Variants in PROCR observed in about 807,000 individuals in gnomAD.
The protein encoded by PROCR is protein C receptor, also known as endothelial protein C receptor.
Under a neutral mutation model 24.2 loss-of-function variants are expected in PROCR, and 22 were observed. That is an observed-to-expected ratio of 0.91 (90% CI 0.65 to 1.30). The LOEUF (loss-of-function observed/expected upper bound fraction) is 1.30, where lower values mean the gene tolerates loss of function less well. PROCR is among the 50% of genes most tolerant of loss of function. The probability of loss-of-function intolerance (pLI) is 0.00; values close to 1 mark genes in which losing one functional copy is unlikely to be tolerated. For missense variants in PROCR, 288 were observed against 307.7 expected, an observed-to-expected ratio of 0.94 and a Z score of 0.48; for synonymous variants, 137 against 139.2, an observed-to-expected ratio of 0.98 and a Z score of 0.11.
chr20:35,208,843 G>A (rs1465562715), intron 1 of PROCR, among the ~76,000 whole-genome samples: 2 of 152,014 alleles, frequency 1.3e-5, no homozygotes, highest in African/African-American at 4.8e-5. Context: ...ATGGTGGCAC[G>A]CACCTGTAAT....
At chr20:35,211,020 TG>T (rs1568602295) in intron 1 of PROCR, among the ~76,000 whole-genome samples, 1 of 152,148 alleles carries the variant, frequency 6.6e-6, no homozygotes, top group Non-Finnish European at 1.5e-5. Flanking sequence ...GCCTTTCTTA[TG>T]AAGACTAGCA....
intron 1 of PROCR, among the ~76,000 whole-genome samples, chr20:35,190,810 C>T (rs1004816081): frequency 1.3e-5 from 2 of 152,216 alleles, no homozygotes; most frequent in East Asian, 1.9e-4. Context: ...CCTCTAAAAC[C>T]GCATGTGACC....
intron 1 of PROCR, among the ~76,000 whole-genome samples, chr20:35,209,020 A>G (rs2146180103): frequency 6.6e-6 from 1 of 152,334 alleles, no homozygotes; most frequent in South Asian, 2.1e-4. Flanking sequence ...ATATGCCAGA[A>G]ATAAGCAGGT....
chr20:35,200,972 G>A (rs1053742868), intron 1 of PROCR, among the ~76,000 whole-genome samples: 1 of 152,002 alleles, frequency 6.6e-6, no homozygotes, highest in Admixed American at 6.6e-5. Flanking sequence ...TATATGCACT[G>A]GGAAACCAAA....
chr20:35,213,157 C>T lies in PROCR; in HGVS notation c.95-2736C>T, dbSNP rs555869835. ...ATCAGCCTGGCCAACACGGCAAAAC[C>T]GCGTCTCTACAAAAAACACAAAAAA... On this transcript the variant is annotated intron_variant, in intron 1 of 1. Transcript: ENST00000634509. 4.6e-5 allele frequency among the ~76,000 whole-genome samples: 7 copies of T among 152,144 alleles called. No homozygotes were observed. In the South Asian group the frequency reaches 1.0e-3, roughly 23 times the overall value.
At chr20:35,175,186 C>T (rs991168039) in intron 2 of PROCR, among the ~76,000 whole-genome samples, 3 of 151,954 alleles carry the variant, frequency 2.0e-5, no homozygotes, top group African/African-American at 7.3e-5. Flanking sequence ...GGCATAACCT[C>T]TTGGGATAGA....
intron 1 of PROCR, 175 bp from the exon 2 acceptor site, chr20:35,174,527 G>T (rs759286569): frequency 2.0e-5 from 16 of 787,852 alleles, no homozygotes; most frequent in Non-Finnish European, 3.2e-5. Context: ...TCCCTGTCCT[G>T]TCCTCCTGGC....
chr20:35,183,003 A>T, intron 1 of PROCR, among the ~76,000 whole-genome samples: 1 of 151,526 alleles, frequency 6.6e-6, no homozygotes, highest in African/African-American at 2.4e-5. Context: ...AAAAAAAGGA[A>T]AGAAAGAAAG....
chr20:35,195,154 T>C (rs1326035393), intron 1 of PROCR, among the ~76,000 whole-genome samples: 1 of 152,058 alleles, frequency 6.6e-6, no homozygotes, highest in African/African-American at 2.4e-5. Flanking sequence ...AAGAACCAAA[T>C]AGAAATTATG....
intron 1 of PROCR, among the ~76,000 whole-genome samples, chr20:35,210,435 T>A (rs1349409309): frequency 6.6e-6 from 1 of 151,786 alleles, no homozygotes; most frequent in Non-Finnish European, 1.5e-5. Context: ...TAGTCTCAGC[T>A]ACTTGGGAGG....
intron 1 of PROCR, among the ~76,000 whole-genome samples, chr20:35,213,448 T>A (rs1170884696): frequency 2.6e-5 from 4 of 152,176 alleles, no homozygotes; most frequent in African/African-American, 9.6e-5. Flanking sequence ...TGTTTTACGT[T>A]AAAAAAATAA....
intron 1 of PROCR, among the ~76,000 whole-genome samples, chr20:35,209,312 A>T (rs1033409993): frequency 6.6e-6 from 1 of 152,204 alleles, no homozygotes; most frequent in African/African-American, 2.4e-5. Context: ...ACTGTTACTA[A>T]GCAGGGGAAG....
chr20:35,206,372 G>T (rs1229354268), intron 1 of PROCR, among the ~76,000 whole-genome samples: 1 of 148,694 alleles, frequency 6.7e-6, no homozygotes, highest in Non-Finnish European at 1.5e-5. Flanking sequence ...CTACTCAGGA[G>T]AATGAGGCAG....
At chr20:35,178,523 T>G (rs1405847080), downstream of PROCR, among the ~76,000 whole-genome samples, 28 of 56,612 alleles carry the variant, frequency 4.9e-4, 2 homozygotes, top group East Asian at 8.7e-3. Context: ...TTTTTTTTTT[T>G]TTTTTTTTTT....
intron 1 of PROCR, among the ~76,000 whole-genome samples, chr20:35,211,317 C>T (rs890771159): frequency 1.3e-5 from 2 of 152,074 alleles, no homozygotes; most frequent in African/African-American, 4.8e-5. Context: ...ATTTTAAAAG[C>T]GTGAAAGGTA....
intron 1 of PROCR, among the ~76,000 whole-genome samples, chr20:35,191,211 G>A (rs1361706365): frequency 6.6e-6 from 1 of 152,102 alleles, no homozygotes; most frequent in Admixed American, 6.5e-5. Flanking sequence ...TTCCTTATTT[G>A]ATGTGGCAGT....
chr20:35,215,834 G>C, intron 1 of PROCR: 1 of 984,096 alleles, frequency 1.0e-6, no homozygotes, highest in Non-Finnish European at 1.2e-6. Flanking sequence ...AGAGGTCAAG[G>C]AGACTTCCTA....
downstream of PROCR, among the ~76,000 whole-genome samples, chr20:35,179,136 G>A (rs1430165220): frequency 9.9e-5 from 15 of 150,754 alleles, no homozygotes. Context: ...GGGAGGCTGA[G>A]GCAGGAGAAT....
intron 1 of PROCR, among the ~76,000 whole-genome samples, chr20:35,196,992 G>A (rs1367426955): frequency 2.0e-5 from 3 of 152,192 alleles, no homozygotes; most frequent in Admixed American, 6.5e-5. Flanking sequence ...TTTTCCCATC[G>A]TGTTTTGTAG....
Sources: gnomAD v4.1 joint callset for allele counts (sites outside exome capture counted in the v4.1 genomes callset) on GRCh38, gnomAD v4.1.1 for gene constraint, MANE v1.5 for transcripts, NCBI Gene and HGNC (gene_info 2026-07-23, HGNC 2026-07-21) for gene names.